The following PRKG1 variants were observed in gnomAD, a reference collection of about 807,000 sequenced individuals.
PRKG1 encodes the protein cGMP-dependent protein kinase 1.
A neutral mutation model predicts 88.1 loss-of-function variants in PRKG1; 35 were observed. The ratio of observed to expected loss-of-function variants is 0.40; its 90% confidence interval spans 0.30 to 0.53. The LOEUF is 0.53. Ranked by LOEUF, PRKG1 falls within the 20% of genes least tolerant of loss-of-function variation. PRKG1 has a pLI of 0.59. For synonymous variants in PRKG1, 303 were observed against 292.5 expected, an observed-to-expected ratio of 1.04 and a Z score of -0.37; for missense variants, 540 against 839.8, an observed-to-expected ratio of 0.64 and a Z score of 4.41.
intron 3 of PRKG1, among the ~76,000 whole-genome samples, chr10:51,732,114 C>T (rs2132472758): frequency 6.6e-6 from 1 of 151,050 alleles, no homozygotes; most frequent in East Asian, 2.0e-4. Flanking sequence ...GGCTGGAGTG[C>T]AGTGACACAA....
rs1842413878 is a variant in PRKG1, at chr10:52,297,946, G to A, written c.*4046G>A. On this transcript the variant is annotated 3_prime_UTR_variant, in exon 18 of 18. Transcript: ENST00000373980. Reference sequence around the variant, plus strand: ...GCAAAACATTGAAAGTGTGTTGTTAGCCCTCCTCTCTGCCCCTGAATCAAC... The same window carrying A: ...GCAAAACATTGAAAGTGTGTTGTTAACCCTCCTCTCTGCCCCTGAATCAAC... 6.6e-6 allele frequency: 1 copy of A among 152,148 alleles called. No homozygotes were observed. Among genetic ancestry groups the A allele is most frequent in the African/African-American group, 2.4e-5 (1 of 41,430 alleles). The allele number at this position is 152,148 out of a possible 1,614,324, so 9.4% of individuals were successfully genotyped here.
intron 4 of PRKG1, among the ~76,000 whole-genome samples, chr10:51,843,658 C>T (rs924211152): frequency 3.9e-5 from 6 of 152,190 alleles, no homozygotes; most frequent in Admixed American, 1.3e-4. Context: ...CATGGTATTG[C>T]CTGGCTTTCA....
At chr10:52,012,431 A>G (rs1409235330) in intron 5 of PRKG1, among the ~76,000 whole-genome samples, 1 of 152,020 alleles carries the variant, frequency 6.6e-6, no homozygotes, top group Non-Finnish European at 1.5e-5. Context: ...TTTAGTAGAG[A>G]CAGGGTTTCA....
At chr10:51,142,889 A>G (rs527808990) in intron 1 of PRKG1, among the ~76,000 whole-genome samples, 17 of 152,258 alleles carry the variant, frequency 1.1e-4, no homozygotes, top group African/African-American at 3.6e-4. Context: ...TTTATCATGT[A>G]CAATATGATG....
At chr10:51,386,136 T>A (rs1224979441) in intron 2 of PRKG1, among the ~76,000 whole-genome samples, 2 of 152,184 alleles carry the variant, frequency 1.3e-5, no homozygotes, top group African/African-American at 2.4e-5. Flanking sequence ...TCCAAGAGAA[T>A]GTTTCCTCTT....
At chr10:52,248,006 T>C (rs966103023) in intron 9 of PRKG1, among the ~76,000 whole-genome samples, 2 of 152,198 alleles carry the variant, frequency 1.3e-5, no homozygotes, top group African/African-American at 4.8e-5. Flanking sequence ...AAGTATCCCT[T>C]ATGGGAAACG....
chr10:51,062,049 G>A (rs950816052), intron 1 of PRKG1, among the ~76,000 whole-genome samples: 2 of 152,192 alleles, frequency 1.3e-5, no homozygotes, highest in African/African-American at 4.8e-5. Context: ...AAATTGTAGA[G>A]AGAGTATGAT....
rs147901102 is a variant in PRKG1, at chr10:52,259,308, A to C, written c.1173+7642A>C. 4.2e-4 allele frequency among the ~76,000 whole-genome samples: 64 copies of C among 152,178 alleles called. 2 individuals are homozygous for C. The highest frequency in any genetic ancestry group is 6.8e-3 in the Middle Eastern group (2 of 294). On this transcript the variant is annotated intron_variant, in intron 10 of 17. Transcript: ENST00000373980. ...TTCTGACAAAAGTAGGTTATTTTGT[A>C]CCACAGTGCAGTCTGCATTCCTGAA...
intron 4 of PRKG1, among the ~76,000 whole-genome samples, chr10:51,905,136 A>C (rs901762397): frequency 5.9e-5 from 9 of 152,200 alleles, no homozygotes; most frequent in Non-Finnish European, 8.8e-5. Context: ...TTTTCAACCT[A>C]CATAACTCAT....
At chr10:51,121,208 A>G (rs1323546879) in intron 1 of PRKG1, among the ~76,000 whole-genome samples, 1 of 152,108 alleles carries the variant, frequency 6.6e-6, no homozygotes, top group African/African-American at 2.4e-5. Context: ...CATACTCTTC[A>G]TTACATCTGT....
intron 2 of PRKG1, among the ~76,000 whole-genome samples, chr10:51,312,806 A>C (rs941120260): frequency 1.3e-5 from 2 of 152,112 alleles, no homozygotes; most frequent in African/African-American, 2.4e-5. Context: ...GTAGTGGGGT[A>C]CACAATTTTA....
At chr10:51,523,949 T>C (rs1841804781) in intron 3 of PRKG1, among the ~76,000 whole-genome samples, 1 of 152,208 alleles carries the variant, frequency 6.6e-6, no homozygotes, top group East Asian at 1.9e-4. Flanking sequence ...AGATGGGGCC[T>C]GGCGGGTGAT....
chr10:51,879,075 C>T (rs549342243), intron 4 of PRKG1, among the ~76,000 whole-genome samples: 1 of 152,116 alleles, frequency 6.6e-6, no homozygotes, highest in Non-Finnish European at 1.5e-5. Context: ...GACATCAAAA[C>T]AGAATAGGCA....
intron 3 of PRKG1, among the ~76,000 whole-genome samples, chr10:51,603,566 C>G (rs1006971771): frequency 1.1e-4 from 16 of 152,162 alleles, no homozygotes; most frequent in African/African-American, 3.9e-4. Flanking sequence ...TCAGACAGCT[C>G]TGCCTGAAAG....
chr10:51,779,977 G>T (rs1421837215), intron 3 of PRKG1, among the ~76,000 whole-genome samples: 1 of 152,116 alleles, frequency 6.6e-6, no homozygotes, highest in East Asian at 1.9e-4. Context: ...TGGCAGAAAA[G>T]GTTGAGGGCT....
At chr10:52,138,532 G>T (rs1325954971) in intron 8 of PRKG1, among the ~76,000 whole-genome samples, 4 of 151,962 alleles carry the variant, frequency 2.6e-5, no homozygotes, top group Non-Finnish European at 5.9e-5. Context: ...TGATTCTTGA[G>T]GCCCTTGTGG....
chr10:51,987,260 A>G (rs971085405), intron 5 of PRKG1, among the ~76,000 whole-genome samples: 1 of 151,802 alleles, frequency 6.6e-6, no homozygotes, highest in African/African-American at 2.4e-5. Context: ...TCAATGATGT[A>G]TGTACTTTTG....
rs116830212 is a variant in PRKG1 at position 51,783,718 on chromosome 10, C to A, written c.593-20867C>A. 5.6e-3 allele frequency among the ~76,000 whole-genome samples: 849 copies of A among 152,184 alleles called. 7 individuals carry two copies. Among genetic ancestry groups the A allele is most frequent in the African/African-American group, 0.019 (795 of 41,528 alleles). On this transcript the variant is annotated intron_variant, in intron 3 of 17. Transcript: ENST00000373980. ...GGCCCAGTAATCTGTGTTGTAAGAA[C>A]CCTCCAGGGGATTTTGATTACCTCT... is the stretch of plus-strand genomic sequence containing the variant.
intron 3 of PRKG1, among the ~76,000 whole-genome samples, chr10:51,717,627 T>C (rs1170042416): frequency 6.6e-6 from 1 of 151,954 alleles, no homozygotes; most frequent in Non-Finnish European, 1.5e-5. Flanking sequence ...GTCAGGAGAT[T>C]GAGACCATCC....
Sources: gnomAD v4.1 joint callset for allele counts (sites outside exome capture counted in the v4.1 genomes callset) on GRCh38, gnomAD v4.1.1 for gene constraint, MANE v1.5 for transcripts, NCBI Gene and HGNC (gene_info 2026-07-23, HGNC 2026-07-21) for gene names.